Variants in OTUD4 observed in about 807,000 individuals in gnomAD.
The protein encoded by OTUD4 is OTU domain-containing protein 4.
OTUD4 carries 24 observed loss-of-function variants against 130.4 expected under a neutral mutation model. The observed-to-expected ratio is 0.18, with a 90% CI of 0.13 to 0.26. The LOEUF is 0.26. Ranked by LOEUF, OTUD4 falls within the 10% of genes least tolerant of loss-of-function variation. OTUD4 has a pLI of 1.00. For synonymous variants in OTUD4, 420 were observed against 472.5 expected, an observed-to-expected ratio of 0.89 and a Z score of 1.44; for missense variants, 1,031 against 1,329.4, an observed-to-expected ratio of 0.78 and a Z score of 3.49.
intron 19 of OTUD4, among the ~76,000 whole-genome samples, chr4:145,140,610 G>C (rs1368514856): frequency 1.3e-5 from 2 of 152,080 alleles, no homozygotes; most frequent in Non-Finnish European, 1.5e-5. Context: ...AACTTTGAAA[G>C]AATTTTTTAA....
At chr4:145,157,974 G>T (rs1326230239) in intron 7 of OTUD4, among the ~76,000 whole-genome samples, 1 of 152,166 alleles carries the variant, frequency 6.6e-6, no homozygotes, top group Non-Finnish European at 1.5e-5. Flanking sequence ...GTAATAAGTT[G>T]TAACAAGCTA....
chr4:145,155,700 G>C lies in OTUD4; in HGVS notation c.691-14C>G. On this transcript the variant is annotated splice_polypyrimidine_tract_variant and intron_variant, in intron 8 of 20. Coordinates refer to ENST00000447906, the MANE Select transcript of OTUD4 (RefSeq NM_001366057.1). The stretch of plus-strand genomic sequence containing the variant: ...GTTCTTCAGCTGCTAAACAAAGTCA[G>C]GAAGTCCAATCAACACATAAGTGCT... 1 of 1,522,986 alleles carries C rather than the reference G, an allele frequency of 6.6e-7. No homozygotes were observed. The highest frequency in any genetic ancestry group is 1.7e-4 in the Middle Eastern group (1 of 5,854). 94.3% of individuals were successfully genotyped at this position (1,522,986 alleles called of 1,614,324 possible).
chr4:145,152,156 CTCTGTCG>C (rs1412297447), intron 11 of OTUD4, among the ~76,000 whole-genome samples: 1 of 152,184 alleles, frequency 6.6e-6, no homozygotes, highest in East Asian at 1.9e-4. Flanking sequence ...CGAAGTCTAG[CTCTGTCG>C]CCAGGCTGGA....
In OTUD4 at chr4:145,134,920, A is replaced by G. The variant is rs1010124895; in HGVS notation, c.*2510T>C. 9 of 398,718 alleles carry G rather than the reference A, an allele frequency of 2.3e-5. No individual in the cohort carries two copies. Among genetic ancestry groups the G allele is most frequent in the Admixed American group, 1.3e-4 (3 of 22,718 alleles). 24.7% of individuals were successfully genotyped at this position (398,718 alleles called of 1,614,324 possible). ...CATAATTTCCAACTCAAAAATACAA[A>G]TGATCCTCAGTTCTATACTTTTGCC... On this transcript the variant is annotated 3_prime_UTR_variant, in exon 21 of 21. Coordinates refer to ENST00000447906, the MANE Select transcript of OTUD4 (RefSeq NM_001366057.1).
rs760354154 is a variant in OTUD4 at position 145,138,593 on chromosome 4, A to G, written c.2182T>C (p.Tyr728His). ...GGGTACATCCTGCAGGCTGCCAGGTAGGCCTGGTGCAGAGGGTACAGGTAA... is the reference window on the plus strand; with the variant it reads ...GGGTACATCCTGCAGGCTGCCAGGTGGGCCTGGTGCAGAGGGTACAGGTAA... ...HSYLYPLHQA[Y>H]LAACRMYPKV... The change falls in exon 21 of 21, where the codon TAC becomes CAC. Residue 728 changes from tyrosine to histidine, a missense_variant. Physicochemically the swap from Tyr to His is moderately conservative, Grantham distance 83 (BLOSUM62 2). Coordinates refer to ENST00000447906, the MANE Select transcript of OTUD4 (RefSeq NM_001366057.1). The G allele has an allele frequency of 6.2e-7, 1 of 1,613,862 alleles. No homozygotes were observed. Among genetic ancestry groups the G allele is most frequent in the South Asian group, 1.1e-5 (1 of 91,072 alleles).
At chr4:145,170,247 TA>T (rs1056571582) in intron 3 of OTUD4, among the ~76,000 whole-genome samples, 4 of 152,250 alleles carry the variant, frequency 2.6e-5, no homozygotes, top group African/African-American at 7.2e-5. Context: ...AACACGGGTC[TA>T]AAGCATAAGC....
chr4:145,169,952 A>AT (rs764619727), intron 3 of OTUD4, among the ~76,000 whole-genome samples: 15 of 152,374 alleles, frequency 9.8e-5, no homozygotes, highest in Non-Finnish European at 1.9e-4. Context: ...AAGTAGGAAG[A>AT]TGACAAAGTA....
rs1750656166 is a variant in OTUD4, at chr4:145,143,414, GAAAC to G, written c.1630_1633del (p.Val544HisfsTer9). On this transcript the variant is annotated frameshift_variant, in exon 17 of 21. Coordinates refer to ENST00000447906, the MANE Select transcript of OTUD4 (RefSeq NM_001366057.1). LOFTEE classifies it high-confidence loss of function. ...TAACTTCTTTGACTTTGATGGTGAT[GAAAC>G]TGTTGCATATTTATCATCAGTAATA... The G allele has an allele frequency of 9.3e-6, 15 of 1,610,874 alleles. No individual in the cohort carries two copies. Among genetic ancestry groups the G allele is most frequent in the Non-Finnish European group, 1.3e-5 (15 of 1,177,380 alleles).
chr4:145,153,871 A>G (rs886879290), intron 10 of OTUD4, among the ~76,000 whole-genome samples: 7 of 152,254 alleles, frequency 4.6e-5, no homozygotes, highest in Non-Finnish European at 1.0e-4. Context: ...TTAGTTATCA[A>G]AAGTTTAAAC....
intron 4 of OTUD4, 32 bp from the exon 5 acceptor site, chr4:145,164,258 G>T: frequency 3.2e-6 from 3 of 950,492 alleles, no homozygotes; most frequent in Non-Finnish European, 4.8e-6. Flanking sequence ...TATTTATAAT[G>T]GACTATACTT....
At chr4:145,143,815 C>T (rs1750695297) in intron 16 of OTUD4, 131 bp downstream of exon 16, 1 of 671,408 alleles carries the variant, frequency 1.5e-6, no homozygotes, top group Non-Finnish European at 2.6e-6. Flanking sequence ...TCATCTTTTC[C>T]CTGCTTTTCT....
At position 145,135,981 on chromosome 4, in the gene OTUD4, AAAG is replaced by A. The variant is rs1262210690; in HGVS notation, c.*1446_*1448del. The A allele has an allele frequency of 6.6e-6, 1 of 151,934 alleles. No individual in the cohort carries two copies. Among genetic ancestry groups the A allele is most frequent in the Non-Finnish European group, 1.5e-5 (1 of 67,496 alleles). 9.4% of individuals were successfully genotyped at this position (151,934 alleles called of 1,614,324 possible). On this transcript the variant is annotated 3_prime_UTR_variant, in exon 21 of 21. Transcript: ENST00000447906. ...TTCTTAAGTAATTTGCTTTACAAAA[AAAG>A]AAAGTCACCGCATCTGGTTTTGGCT...
chr4:145,149,913 G>C (rs943763810), intron 13 of OTUD4, among the ~76,000 whole-genome samples: 5 of 152,102 alleles, frequency 3.3e-5, no homozygotes, highest in African/African-American at 1.2e-4. Flanking sequence ...CTTCCAAAGG[G>C]CTATAAAATT....
rs911278549 is a variant in OTUD4 at position 145,134,661 on chromosome 4, T to C, written c.*2769A>G. 7.5e-6 allele frequency: 3 copies of C among 398,696 alleles called. No individual in the cohort carries two copies. Among genetic ancestry groups the C allele is most frequent in the Non-Finnish European group, 8.9e-6 (2 of 225,932 alleles). The allele number at this position is 398,696 out of a possible 1,614,324, so 24.7% of individuals were successfully genotyped here. On this transcript the variant is annotated 3_prime_UTR_variant, in exon 21 of 21. Coordinates refer to ENST00000447906, the MANE Select transcript of OTUD4 (RefSeq NM_001366057.1). ...TCTGAGCTTAGGTCTGCCATGAAAA[T>C]GAATTTGTGGGTTATCAGTAAACAG...
chr4:145,179,950 G>C lies in OTUD4; in HGVS notation c.24C>G (p.Pro8=), dbSNP rs745449315. ...CCGCGCCGCCCTGGTCCCCGCCGTC[G>C]GGGACGCCGACGGCAGCCTCCATGT... MEAAVGV[P]DGGDQGGAGP... is the part of the protein sequence containing the mutation. The change falls in exon 1 of 21, where the codon CCC becomes CCG. Residue 8 remains proline, a synonymous_variant. Coordinates refer to ENST00000447906, the MANE Select transcript of OTUD4 (RefSeq NM_001366057.1). The C allele has an allele frequency of 2.6e-5, 40 of 1,520,676 alleles. No individual in the cohort carries two copies. Among genetic ancestry groups the C allele is most frequent in the Middle Eastern group, 2.3e-4 (1 of 4,402 alleles). The allele number at this position is 1,520,676 out of a possible 1,614,324, so 94.2% of individuals were successfully genotyped here.
intron 17 of OTUD4, 41 bp downstream of exon 17, chr4:145,143,324 G>A: frequency 8.0e-7 from 1 of 1,247,916 alleles, no homozygotes; most frequent in Non-Finnish European, 1.2e-6. Flanking sequence ...CAGAAACCCA[G>A]AGAGTGGAGC....
At chr4:145,166,158 T>C (rs1751860663) in intron 3 of OTUD4, among the ~76,000 whole-genome samples, 1 of 146,146 alleles carries the variant, frequency 6.8e-6, no homozygotes, top group Non-Finnish European at 1.5e-5. Flanking sequence ...CAAAACTCGG[T>C]CTCAAAAAAA....
chr4:145,154,184 A>AT (rs1751180785), intron 10 of OTUD4, among the ~76,000 whole-genome samples: 1 of 152,168 alleles, frequency 6.6e-6, no homozygotes, highest in Non-Finnish European at 1.5e-5. Flanking sequence ...TAAACCCTGG[A>AT]TTTAATCTCA....
Position 145,150,788 on chromosome 4 carries a change from T to C in OTUD4, c.1072+14A>G. Reference sequence around the variant, plus strand: ...TCCCAATCCCAAAGGAATGATAGCTTGATGTGCTCCTACCAGAATGGAAAT... The same window carrying C: ...TCCCAATCCCAAAGGAATGATAGCTCGATGTGCTCCTACCAGAATGGAAAT... On this transcript the variant is annotated intron_variant, in intron 12 of 20. Coordinates refer to ENST00000447906, the MANE Select transcript of OTUD4 (RefSeq NM_001366057.1). 1 of 1,609,388 alleles carries C rather than the reference T, an allele frequency of 6.2e-7. No homozygotes were observed. Among genetic ancestry groups the C allele is most frequent in the Non-Finnish European group, 8.5e-7 (1 of 1,175,990 alleles).
Sources: allele counts gnomAD v4.1 joint callset (sites outside exome capture counted in the v4.1 genomes callset), GRCh38; gene constraint gnomAD v4.1.1; transcripts MANE v1.5; gene names NCBI Gene and HGNC (gene_info 2026-07-23, HGNC 2026-07-21).